PIK3CD: variants seen among roughly 807,000 people sequenced by gnomAD.
PIK3CD encodes phosphatidylinositol-4,5-bisphosphate 3-kinase catalytic subunit delta, also known as phosphatidylinositol 4,5-bisphosphate 3-kinase catalytic subunit delta isoform.
Under a neutral mutation model 122.9 loss-of-function variants are expected in PIK3CD, and 20 were observed. The ratio of observed to expected loss-of-function variants is 0.16; its 90% CI spans 0.11 to 0.24. PIK3CD has a LOEUF of 0.24. PIK3CD is among the 10% of genes least tolerant of loss of function. The pLI is 1.00. For missense variants in PIK3CD, 787 were observed against 1,406.3 expected (o/e 0.56, Z 7.04); for synonymous variants, 596 against 593.4 (o/e 1.00, Z -0.06).
intron 2 of PIK3CD, among the ~76,000 whole-genome samples, chr1:9,694,742 C>T (rs970275189): frequency 1.4e-4 from 21 of 152,182 alleles, no homozygotes; most frequent in Non-Finnish European, 2.4e-4. Context: ...GCAGGAGGAT[C>T]GCTTAAGCCC....
At chr1:9,683,796 A>G (rs528754941) in intron 1 of PIK3CD, among the ~76,000 whole-genome samples, 106 of 152,172 alleles carry the variant, frequency 7.0e-4, no homozygotes, top group Non-Finnish European at 1.2e-3. Context: ...TGCTCCCATG[A>G]TATCTGGAGT....
At chr1:9,648,041 T>C (rs1482797434), upstream of PIK3CD, among the ~76,000 whole-genome samples, 1 of 152,220 alleles carries the variant, frequency 6.6e-6, no homozygotes, top group Non-Finnish European at 1.5e-5. Context: ...CATGAATGAC[T>C]CCATATTGGT....
rs1367791827 is a variant in PIK3CD, at chr1:9,720,268, G to T, written c.1470+26G>T. The stretch of plus-strand genomic sequence containing the variant: ...GTCAGTGGGGGCCCCGCCGCGTGAG[G>T]CTGAGGGGCTGGCGCGGAGCTCTCC... On this transcript the variant is annotated intron_variant, in intron 11 of 23. Transcript: ENST00000377346. This position sits in a 1 kb window ranked among gnomAD's most constrained non-coding sequence, Gnocchi z 9.0. 1.9e-6 allele frequency: 3 copies of T among 1,594,980 alleles called. No homozygotes were observed. The highest frequency in any genetic ancestry group is 1.7e-6 in the Non-Finnish European group (2 of 1,167,318).
the PIK3CD span, among the ~76,000 whole-genome samples, chr1:9,641,438 G>T: frequency 6.6e-6 from 1 of 151,676 alleles, no homozygotes; most frequent in Non-Finnish European, 1.5e-5. Flanking sequence ...GCCAGATGGG[G>T]AAACTGAGGC....
At chr1:9,698,185 C>T (rs893790157) in intron 2 of PIK3CD, among the ~76,000 whole-genome samples, 1 of 151,948 alleles carries the variant, frequency 6.6e-6, no homozygotes, top group South Asian at 2.1e-4. Flanking sequence ...TCTTGTTGCC[C>T]AGGCTGGTGT....
chr1:9,702,437 T>C (rs1281166878), intron 2 of PIK3CD, among the ~76,000 whole-genome samples: 1 of 144,492 alleles, frequency 6.9e-6, no homozygotes, highest in African/African-American at 2.6e-5. Context: ...TGCCTCTAGA[T>C]GGCAGCACAG....
intron 1 of PIK3CD, among the ~76,000 whole-genome samples, chr1:9,686,278 G>A (rs900804370): frequency 5.9e-5 from 9 of 152,016 alleles, no homozygotes; most frequent in Admixed American, 3.9e-4. Flanking sequence ...ATAGCTCACC[G>A]CAGACTTCTG....
intron 2 of PIK3CD, among the ~76,000 whole-genome samples, chr1:9,706,535 T>A (rs1038945075): frequency 3.3e-5 from 5 of 152,116 alleles, no homozygotes; most frequent in African/African-American, 1.2e-4. Flanking sequence ...GAACCTACTT[T>A]TCACCTGTAG....
the PIK3CD span, among the ~76,000 whole-genome samples, chr1:9,644,516 C>CAAAT: frequency 0.12 from 17,458 of 145,442 alleles, 1,094 homozygotes; most frequent in Middle Eastern, 0.18. Flanking sequence ...GACTCCGTCT[C>CAAAT]AAATAAATAA....
chr1:9,722,362 G>A lies in PIK3CD; in HGVS notation c.2347+6G>A, dbSNP rs368607726. 6.9e-5 allele frequency: 111 copies of A among 1,606,858 alleles called. No homozygotes were observed. The highest frequency in any genetic ancestry group is 8.8e-5 in the Non-Finnish European group (103 of 1,176,200). On this transcript the variant is annotated splice_donor_region_variant and intron_variant, in intron 18 of 23. Coordinates refer to ENST00000377346, the MANE Select transcript of PIK3CD (RefSeq NM_005026.5). The surrounding 1 kb of genome is among the most constrained non-coding windows in gnomAD (Gnocchi z 7.6). ...CATCTTTAAGAACGGGGATGGTGAG[G>A]GCCTGGCCTCCCCACACCCCGCCTG...
intron 2 of PIK3CD, among the ~76,000 whole-genome samples, chr1:9,696,248 A>G (rs563612630): frequency 6.6e-6 from 1 of 152,140 alleles, no homozygotes; most frequent in African/African-American, 2.4e-5. Context: ...CTAGGATTAC[A>G]GGTGTGAGCC....
the PIK3CD span, among the ~76,000 whole-genome samples, chr1:9,639,366 A>T: frequency 1.3e-5 from 2 of 152,094 alleles, no homozygotes; most frequent in Non-Finnish European, 2.9e-5. Flanking sequence ...GTAGTGGTGG[A>T]TGGGGCAGGG....
intron 1 of PIK3CD, among the ~76,000 whole-genome samples, chr1:9,676,448 G>A (rs1389387337): frequency 6.6e-6 from 1 of 152,214 alleles, no homozygotes; most frequent in Non-Finnish European, 1.5e-5. Context: ...GCAGAAGGAC[G>A]CAGCTCTGGT....
intron 1 of PIK3CD, among the ~76,000 whole-genome samples, chr1:9,661,366 C>T (rs986811608): frequency 6.6e-6 from 1 of 152,048 alleles, no homozygotes; most frequent in Non-Finnish European, 1.5e-5. Context: ...AGGCCTGAGC[C>T]ACTGTACCCA....
chr1:9,650,310 T>G (rs1211500170), upstream of PIK3CD, among the ~76,000 whole-genome samples: 1 of 152,114 alleles, frequency 6.6e-6, no homozygotes, highest in Non-Finnish European at 1.5e-5. Flanking sequence ...TAGTCCCAGC[T>G]ACTCAGGAGG....
rs1649028771 is a variant in PIK3CD, at chr1:9,723,555, C to T, written c.2594+263C>T. Among the ~76,000 whole-genome samples, 1 of 152,194 alleles carries T rather than the reference C, an allele frequency of 6.6e-6. No homozygotes were observed. Among genetic ancestry groups the T allele is most frequent in the Admixed American group, 6.5e-5 (1 of 15,278 alleles). On this transcript the variant is annotated intron_variant, in intron 20 of 23. Transcript: ENST00000377346. The surrounding 1 kb of genome is among the most constrained non-coding windows in gnomAD (Gnocchi z 4.9). ...TTACGATTGGCTCACAGATCTGCAG[C>T]TGGGGCTGGGCTCAGCCGGGTGGCT...
intron 23 of PIK3CD, 116 bp from the exon 24 acceptor site, chr1:9,726,793 C>T: frequency 7.7e-7 from 1 of 1,304,656 alleles, no homozygotes; most frequent in Non-Finnish European, 1.1e-6. Context: ...TCCTGAGATG[C>T]TGGGAGCTCT....
chr1:9,658,861 A>G (rs1375667494), intron 1 of PIK3CD, among the ~76,000 whole-genome samples: 1 of 152,134 alleles, frequency 6.6e-6, no homozygotes, highest in Non-Finnish European at 1.5e-5. Context: ...TTAACCCATC[A>G]GAACCTCAGA....
At position 9,722,000 on chromosome 1, in the gene PIK3CD, C is replaced by T; in HGVS notation, c.2081C>T (p.Ala694Val). 1 of 1,613,690 alleles carries T rather than the reference C, an allele frequency of 6.2e-7. No homozygotes were observed. The highest frequency in any genetic ancestry group is 8.5e-7 in the Non-Finnish European group (1 of 1,180,016). Residue 694 changes from alanine to valine, a missense_variant, in exon 17 of 24, where the codon GCC (alanine) becomes GTC (valine). This residue lies in a region of PIK3CD where 48 missense variants were observed against 71.9 expected (regional missense o/e 0.67). Transcript: ENST00000377346. ...KQGEALSKLK[A>V]LNDFVKLSSQ... ...GGGGAAGCACTGAGCAAACTGAAGG[C>T]CCTGAATGACTTCGTCAAGCTGAGC...
Sources: gnomAD v4.1 joint callset for allele counts (sites outside exome capture counted in the v4.1 genomes callset) on GRCh38, gnomAD v4.1.1 for gene constraint, gnomAD v4.1.1 regional missense constraint, Gnocchi (gnomAD v3.1) non-coding constraint, MANE v1.5 for transcripts, NCBI Gene and HGNC (gene_info 2026-07-23, HGNC 2026-07-21) for gene names.